EYA3: variants seen among roughly 807,000 people sequenced by gnomAD.
The protein encoded by EYA3 is EYA transcriptional coactivator and phosphatase 3.
A neutral mutation model predicts 80.0 loss-of-function variants in EYA3; 39 were observed. The ratio of observed to expected loss-of-function variants is 0.49; its 90% CI spans 0.38 to 0.64. The LOEUF is 0.64. EYA3 is among the 30% of genes least tolerant of loss of function. EYA3 has a pLI of 0.00. For missense variants in EYA3, 523 were observed against 676.1 expected (o/e 0.77, Z 2.51); for synonymous variants, 206 against 232.8 (o/e 0.88, Z 1.05).
intron 16 of EYA3, among the ~76,000 whole-genome samples, chr1:27,987,249 G>T (rs1438072399): frequency 6.6e-6 from 1 of 152,142 alleles, no homozygotes; most frequent in Non-Finnish European, 1.5e-5. Context: ...CTTTCATTTA[G>T]CATGTCTTCA....
Position 28,027,846 on chromosome 1 carries a change from T to C in EYA3, c.442A>G (p.Thr148Ala). Reference protein sequence around the residue: ...SPSQHSVLTCTTGLTTSQPSP... With the variant: ...SPSQHSVLTCATGLTTSQPSP... ...GGCTGGCTTGTGGTTAACCCTGTAGTGCAGGTAAGAACACTGTGTTGACTT... is the reference window on the plus strand; with the variant it reads ...GGCTGGCTTGTGGTTAACCCTGTAGCGCAGGTAAGAACACTGTGTTGACTT... The change falls in exon 7 of 18, where the codon ACT (threonine) becomes GCT (alanine). Residue 148 changes from threonine to alanine, a missense_variant. Physicochemically the swap from Thr to Ala is moderately conservative, Grantham distance 58. Coordinates refer to ENST00000373871, the MANE Select transcript of EYA3 (RefSeq NM_001990.4). 5 of 1,614,188 alleles carry C rather than the reference T, an allele frequency of 3.1e-6. No homozygotes were observed. In the South Asian group the frequency reaches 3.3e-5, roughly 11 times the overall value.
chr1:28,015,234 AGAAC>A (rs1473066369), intron 8 of EYA3, among the ~76,000 whole-genome samples: 1 of 152,254 alleles, frequency 6.6e-6, no homozygotes, highest in African/African-American at 2.4e-5. Context: ...AGAGAAAGTA[AGAAC>A]ATGAATAGGC....
At chr1:28,004,072 A>T (rs1174316667) in intron 11 of EYA3, among the ~76,000 whole-genome samples, 1 of 152,166 alleles carries the variant, frequency 6.6e-6, no homozygotes, top group Non-Finnish European at 1.5e-5. Context: ...CTATACTTTA[A>T]TCTTCACAAA....
At chr1:28,020,667 C>CGTGTGTGTAT (rs1160923186) in intron 7 of EYA3, among the ~76,000 whole-genome samples, 4 of 134,478 alleles carry the variant, frequency 3.0e-5, no homozygotes, top group African/African-American at 8.6e-5. Context: ...TACAGATCAT[C>CGTGTGTGTAT]GTGTGTGTGT....
chr1:28,075,678 C>G (rs1645175270), intron 1 of EYA3, among the ~76,000 whole-genome samples: 1 of 152,190 alleles, frequency 6.6e-6, no homozygotes, highest in African/African-American at 2.4e-5. Context: ...AGCCATTTCT[C>G]TTGAATAAAT....
At chr1:28,030,713 GC>G (rs1309780745) in intron 6 of EYA3, among the ~76,000 whole-genome samples, 1 of 152,180 alleles carries the variant, frequency 6.6e-6, no homozygotes, top group Non-Finnish European at 1.5e-5. Flanking sequence ...AGAAGCGTTT[GC>G]CCCATCATAA....
Position 28,042,563 on chromosome 1 carries a change from G to C in EYA3, c.157+8C>G, listed in dbSNP as rs759111711. 2.5e-6 allele frequency: 4 copies of C among 1,610,546 alleles called. No homozygotes were observed. In the East Asian group the frequency reaches 8.9e-5, roughly 36 times the overall value. Reference sequence around the variant, plus strand: ...TCTGTTCAATCATGCACAGAATATGGTACTTACTTTCCTCTGACATGGGAA... The same window carrying C: ...TCTGTTCAATCATGCACAGAATATGCTACTTACTTTCCTCTGACATGGGAA... On this transcript the variant is annotated splice_region_variant and intron_variant, in intron 4 of 17. Transcript: ENST00000373871.
At chr1:28,019,056 T>C (rs900951928) in intron 7 of EYA3, among the ~76,000 whole-genome samples, 8 of 151,930 alleles carry the variant, frequency 5.3e-5, no homozygotes, top group African/African-American at 1.5e-4. Context: ...ATCCCAGCTA[T>C]GCAGGAGGCT....
In EYA3 at chr1:27,970,646, T is replaced by A. The variant is rs1638695454; in HGVS notation, c.*3820A>T. The A allele has an allele frequency of 1.3e-5, 2 of 152,270 alleles. No individual in the cohort carries two copies. The highest frequency in any genetic ancestry group is 4.1e-4 in the South Asian group (2 of 4,834). 9.4% of individuals were successfully genotyped at this position (152,270 alleles called of 1,614,324 possible). Reference sequence around the variant, plus strand: ...GGACAGATGGCCTGCTGACTGGGGCTGAGGCAGAACTAGATTTTCTCTCTT... The same window carrying A: ...GGACAGATGGCCTGCTGACTGGGGCAGAGGCAGAACTAGATTTTCTCTCTT... On this transcript the variant is annotated 3_prime_UTR_variant, in exon 18 of 18. Transcript: ENST00000373871.
intron 10 of EYA3, among the ~76,000 whole-genome samples, chr1:28,008,051 C>T (rs925695785): frequency 2.0e-5 from 3 of 152,006 alleles, no homozygotes; most frequent in African/African-American, 7.2e-5. Context: ...TGAAATAAAC[C>T]GAGAGTCTAA....
At chr1:28,039,622 G>C (rs765769684) in intron 4 of EYA3, among the ~76,000 whole-genome samples, 5 of 152,150 alleles carry the variant, frequency 3.3e-5, no homozygotes, top group Non-Finnish European at 7.3e-5. Flanking sequence ...TATGAACGCT[G>C]TAAATATCTG....
rs74063246 is a variant in EYA3 at position 27,973,494 on chromosome 1, A to G, written c.*972T>C. 1.5e-3 allele frequency: 223 copies of G among 152,282 alleles called. 1 individual carries two copies. Among genetic ancestry groups the G allele is most frequent in the African/African-American group, 4.8e-3 (199 of 41,562 alleles). The allele number at this position is 152,282 out of a possible 1,614,324, so 9.4% of individuals were successfully genotyped here. A position where few individuals can be genotyped will look rare whatever the true frequency, so the allele number is the denominator to read the frequency against. On this transcript the variant is annotated 3_prime_UTR_variant, in exon 18 of 18. Transcript: ENST00000373871. Reference sequence around the variant, plus strand: ...CTCAAGAGCCAAGAAGCTGAAATTCATAAGACACTTTAGTTCCTTCTCTCC... The same window carrying G: ...CTCAAGAGCCAAGAAGCTGAAATTCGTAAGACACTTTAGTTCCTTCTCTCC...
At chr1:28,075,906 T>C (rs2148941738) in intron 1 of EYA3, among the ~76,000 whole-genome samples, 1 of 152,316 alleles carries the variant, frequency 6.6e-6, no homozygotes, top group South Asian at 2.1e-4. Context: ...TTTAATACCT[T>C]TAAAAAAATA....
chr1:28,023,171 T>A (rs909150399), intron 7 of EYA3, among the ~76,000 whole-genome samples: 2 of 151,844 alleles, frequency 1.3e-5, no homozygotes, highest in Non-Finnish European at 2.9e-5. Context: ...GTGGCCAAAC[T>A]GGAACAAAAT....
At chr1:28,087,737 T>C (rs542697943) in intron 1 of EYA3, among the ~76,000 whole-genome samples, 1 of 152,358 alleles carries the variant, frequency 6.6e-6, no homozygotes, top group Non-Finnish European at 1.5e-5. Context: ...CAGAACTTCT[T>C]CATGACTTGT....
rs555063228 is a variant in EYA3 at position 28,022,209 on chromosome 1, C to T, written c.500-4970G>A. On this transcript the variant is annotated intron_variant, in intron 7 of 17. Coordinates refer to ENST00000373871, the MANE Select transcript of EYA3 (RefSeq NM_001990.4). ...TGTCGCCCAGGCTGGAGTGCAGTGG[C>T]GCGATCTCGACTCACTGCAAGCTCC... 9.2e-5 allele frequency among the ~76,000 whole-genome samples: 14 copies of T among 152,000 alleles called. 1 individual carries two copies. The South Asian group carries it at 2.7e-3, about 29-fold the overall frequency.
intron 16 of EYA3, among the ~76,000 whole-genome samples, chr1:27,979,764 T>C (rs1639176996): frequency 1.3e-5 from 2 of 152,194 alleles, no homozygotes; most frequent in Non-Finnish European, 2.9e-5. Context: ...CCAGGGTTCC[T>C]GTGTAAATAA....
intron 5 of EYA3, among the ~76,000 whole-genome samples, chr1:28,038,439 T>TAAAAAAA (rs74525723): frequency 1.5e-4 from 10 of 68,484 alleles, no homozygotes; most frequent in East Asian, 3.5e-4. Context: ...GATTCTATCT[T>TAAAAAAA]AAAAAAAAAA....
chr1:28,064,088 G>A (rs1228969826), intron 1 of EYA3, among the ~76,000 whole-genome samples: 1 of 151,856 alleles, frequency 6.6e-6, no homozygotes, highest in Non-Finnish European at 1.5e-5. Context: ...TTAATTATTG[G>A]TATACAAGAA....
Sources: gnomAD v4.1 joint callset for allele counts (sites outside exome capture counted in the v4.1 genomes callset) on GRCh38, gnomAD v4.1.1 for gene constraint, MANE v1.5 for transcripts, NCBI Gene and HGNC (gene_info 2026-07-23, HGNC 2026-07-21) for gene names.